Variants in VRK2 observed in about 807,000 individuals in gnomAD.
VRK2 encodes the protein VRK serine/threonine kinase 2, also known as serine/threonine-protein kinase VRK2.
Under a neutral mutation model 57.6 loss-of-function variants are expected in VRK2, and 60 were observed. That is an observed-to-expected ratio of 1.04 (90% confidence interval 0.85 to 1.29). The LOEUF (loss-of-function observed/expected upper bound fraction) is 1.29, where lower values mean the gene tolerates loss of function less well. VRK2 is among the 50% of genes most tolerant of loss of function. The pLI is 0.00. For synonymous variants in VRK2, 231 were observed against 199.2 expected, an observed-to-expected ratio of 1.16 and a Z score of -1.35; for missense variants, 705 against 588.1, an observed-to-expected ratio of 1.20 and a Z score of -2.06.
At chr2:58,159,179 A>G in intron 12 of VRK2, 170 bp from the exon 13 acceptor site, 1 of 531,846 alleles carries the variant, frequency 1.9e-6, no homozygotes, top group Non-Finnish European at 3.2e-6. Context: ...AAACTCTTAA[A>G]AAGTGTAAAT....
rs566909258 is a variant in VRK2 at position 58,150,865 on chromosome 2, C to T, written c.1182+4391C>T. On this transcript the variant is annotated intron_variant, in intron 12 of 12. Transcript: ENST00000340157. ...TCAGTTCAATGTATTTTCTAATGTC[C>T]CTTGATTTATTTGACCCATGGATTA... Among the ~76,000 whole-genome samples, 186 of 150,708 alleles carry T rather than the reference C, an allele frequency of 1.2e-3. 1 individual carries two copies. Among genetic ancestry groups the T allele is most frequent in the African/African-American group, 4.2e-3 (173 of 41,216 alleles).
At chr2:58,145,944 A>G (rs1207370594) in intron 11 of VRK2, among the ~76,000 whole-genome samples, 1 of 152,074 alleles carries the variant, frequency 6.6e-6, no homozygotes, top group Non-Finnish European at 1.5e-5. Context: ...CCTACAAAGG[A>G]CATGAACTCA....
At chr2:57,970,163 A>T (rs1313931018) in intron 1 of VRK2, among the ~76,000 whole-genome samples, 1 of 148,496 alleles carries the variant, frequency 6.7e-6, no homozygotes, top group Non-Finnish European at 1.5e-5. Context: ...ACATATAATC[A>T]TATATTTTAA....
At chr2:58,095,691 C>G (rs888255348) in intron 7 of VRK2, among the ~76,000 whole-genome samples, 1 of 151,716 alleles carries the variant, frequency 6.6e-6, no homozygotes, top group Non-Finnish European at 1.5e-5. Context: ...TCTTAGAAAA[C>G]TGTCATATGC....
chr2:58,121,139 A>T (rs1285807169), intron 7 of VRK2, among the ~76,000 whole-genome samples: 3 of 152,194 alleles, frequency 2.0e-5, no homozygotes, highest in Non-Finnish European at 4.4e-5. Flanking sequence ...CAGTTTCCAG[A>T]TGAATAAAAT....
intron 7 of VRK2, among the ~76,000 whole-genome samples, chr2:58,111,402 G>T (rs547489445): frequency 6.6e-6 from 1 of 152,274 alleles, no homozygotes; most frequent in Admixed American, 6.5e-5. Context: ...CGTACTCATG[G>T]AGAAGGGAAA....
chr2:57,952,119 G>T (rs1671446160), intron 1 of VRK2, among the ~76,000 whole-genome samples: 1 of 151,640 alleles, frequency 6.6e-6, no homozygotes, highest in African/African-American at 2.4e-5. Flanking sequence ...TATTTATAGA[G>T]AGAGAGAGAT....
In VRK2 at chr2:57,954,904, T is replaced by G. The variant is rs114143391; in HGVS notation, c.-439+47065T>G. 7.8e-3 allele frequency among the ~76,000 whole-genome samples: 1,187 copies of G among 152,298 alleles called. 20 individuals are homozygous for G. The highest frequency in any genetic ancestry group is 0.026 in the African/African-American group (1,081 of 41,566). ...AGAATCTCACAGAAAAAAGAAGCCG[T>G]GCATTGTTTATGTCTGGAAATTATG... is the stretch of plus-strand genomic sequence containing the variant. On this transcript the variant is annotated intron_variant, in intron 1 of 15. Transcript: ENST00000417641.
At chr2:58,110,130 G>C (rs1675342221) in intron 7 of VRK2, among the ~76,000 whole-genome samples, 2 of 152,136 alleles carry the variant, frequency 1.3e-5, no homozygotes, top group African/African-American at 4.8e-5. Flanking sequence ...TAGACGGACT[G>C]CTTAGTATAT....
chr2:58,023,675 C>A (rs1673832280), intron 1 of VRK2, among the ~76,000 whole-genome samples: 1 of 152,094 alleles, frequency 6.6e-6, no homozygotes, highest in African/African-American at 2.4e-5. Flanking sequence ...CAAAGCTTAC[C>A]ATTTCCTTTG....
intron 1 of VRK2, among the ~76,000 whole-genome samples, chr2:58,048,143 A>T (rs1254099371): frequency 1.3e-5 from 2 of 152,130 alleles, no homozygotes; most frequent in Non-Finnish European, 2.9e-5. Flanking sequence ...TGCTGTGGAG[A>T]TTATGCTTTT....
intron 2 of VRK2, among the ~76,000 whole-genome samples, chr2:58,055,774 A>G (rs555020129): frequency 6.6e-6 from 1 of 152,160 alleles, no homozygotes; most frequent in African/African-American, 2.4e-5. Context: ...TGAAGGGAAA[A>G]CTCCAAATAA....
chr2:58,133,503 A>T (rs1433023886), intron 9 of VRK2, among the ~76,000 whole-genome samples: 1 of 152,228 alleles, frequency 6.6e-6, no homozygotes, highest in Non-Finnish European at 1.5e-5. Flanking sequence ...GAAATTCCCC[A>T]TAAGGGTGTG....
chr2:57,994,528 A>G (rs967640813), intron 1 of VRK2, among the ~76,000 whole-genome samples: 1 of 152,208 alleles, frequency 6.6e-6, no homozygotes, highest in Non-Finnish European at 1.5e-5. Context: ...ACAGAAGAAC[A>G]AAAATACTCT....
intron 1 of VRK2, among the ~76,000 whole-genome samples, chr2:57,936,234 A>G (rs544245064): frequency 2.8e-4 from 42 of 152,322 alleles, no homozygotes; most frequent in South Asian, 1.9e-3. Flanking sequence ...CTTGCAATTT[A>G]TATTTATTTC....
At chr2:58,049,105 A>G in intron 2 of VRK2, 138 bp downstream of exon 2, 2 of 1,083,940 alleles carry the variant, frequency 1.8e-6, no homozygotes, top group Non-Finnish European at 2.6e-6. Flanking sequence ...CGATTAAGTA[A>G]TAATAGAGTA....
chr2:58,127,063 A>G (rs142488609), intron 8 of VRK2, among the ~76,000 whole-genome samples: 1 of 152,224 alleles, frequency 6.6e-6, no homozygotes, highest in African/African-American at 2.4e-5. Context: ...TGATGACCAT[A>G]AAATATGATA....
chr2:58,123,946 A>G (rs914561205), intron 8 of VRK2, among the ~76,000 whole-genome samples: 10 of 152,160 alleles, frequency 6.6e-5, no homozygotes, highest in Non-Finnish European at 1.5e-5. Context: ...CTCAGCAGTA[A>G]GGTTATTTTT....
chr2:57,995,235 A>T (rs538812028), intron 1 of VRK2, among the ~76,000 whole-genome samples: 3 of 152,306 alleles, frequency 2.0e-5, no homozygotes, highest in Admixed American at 2.0e-4. Flanking sequence ...GATTTATATC[A>T]TCATGCACTA....
Sources: gnomAD v4.1 joint callset for allele counts (sites outside exome capture counted in the v4.1 genomes callset) on GRCh38, gnomAD v4.1.1 for gene constraint, MANE v1.5 for transcripts, NCBI Gene and HGNC (gene_info 2026-07-23, HGNC 2026-07-21) for gene names.